DLG2: variants seen among roughly 807,000 people sequenced by gnomAD.
DLG2 encodes disks large homolog 2.
In DLG2, 45 loss-of-function variants were observed where a neutral mutation model predicts 132.5. That is an observed-to-expected ratio of 0.34 (90% CI 0.27 to 0.44). The LOEUF (loss-of-function observed/expected upper bound fraction) is 0.44. Among genes scored for constraint, DLG2 ranks in the 20% least tolerant of loss-of-function variants. The pLI is 1.00. For missense variants in DLG2, 1,045 were observed against 1,196.9 expected (o/e 0.87, Z 1.87); for synonymous variants, 424 against 419.6 (o/e 1.01, Z -0.13).
intron 11 of DLG2, among the ~76,000 whole-genome samples, chr11:83,985,337 T>C (rs1027427303): frequency 6.6e-6 from 1 of 152,090 alleles, no homozygotes; most frequent in Non-Finnish European, 1.5e-5. Context: ...TTTCTTTTTT[T>C]ATTTTTATTT....
intron 6 of DLG2, among the ~76,000 whole-genome samples, chr11:85,089,895 G>T (rs925018144): frequency 1.3e-5 from 2 of 152,102 alleles, no homozygotes; most frequent in Admixed American, 6.6e-5. Context: ...CACCAGTCAG[G>T]ATGGCTATTA....
chr11:83,514,132 T>G (rs1389421024), intron 21 of DLG2, among the ~76,000 whole-genome samples: 3 of 152,228 alleles, frequency 2.0e-5, no homozygotes, highest in Non-Finnish European at 4.4e-5. Context: ...TATGGCCATT[T>G]TCATGATATT....
chr11:84,512,905 C>T (rs186940584), intron 7 of DLG2, among the ~76,000 whole-genome samples: 65 of 152,052 alleles, frequency 4.3e-4, no homozygotes, highest in Middle Eastern at 3.4e-3. Context: ...CCAAACACCT[C>T]ATGTTCCTAC....
chr11:84,647,042 C>A (rs2099675826), intron 6 of DLG2, among the ~76,000 whole-genome samples: 1 of 151,792 alleles, frequency 6.6e-6, no homozygotes, highest in Non-Finnish European at 1.5e-5. Context: ...TTTATAAATG[C>A]TAGAAGCATT....
chr11:85,429,810 G>A (rs2091040108), intron 3 of DLG2, among the ~76,000 whole-genome samples: 1 of 152,154 alleles, frequency 6.6e-6, no homozygotes, highest in African/African-American at 2.4e-5. Flanking sequence ...CGATTCCTCA[G>A]GGATCTAGAA....
chr11:85,545,458 T>C (rs1183027767), intron 3 of DLG2, among the ~76,000 whole-genome samples: 3 of 152,146 alleles, frequency 2.0e-5, no homozygotes, highest in Admixed American at 2.0e-4. Flanking sequence ...TCTTTTTTTG[T>C]TGTGTCTCTG....
At chr11:85,174,477 G>A (rs1322423793) in intron 4 of DLG2, among the ~76,000 whole-genome samples, 8 of 152,024 alleles carry the variant, frequency 5.3e-5, no homozygotes, top group Admixed American at 5.2e-4. Flanking sequence ...GTGTTAAAAG[G>A]GAAATTTACA....
At chr11:83,786,292 A>G (rs2039920327) in intron 18 of DLG2, 1 of 167,608 alleles carries the variant, frequency 6.0e-6, no homozygotes, top group East Asian at 1.5e-4. Context: ...ATGAGAATTA[A>G]GTTAATGCCA....
intron 5 of DLG2, among the ~76,000 whole-genome samples, chr11:85,119,841 A>G (rs1262489853): frequency 6.6e-6 from 1 of 152,084 alleles, no homozygotes; most frequent in Non-Finnish European, 1.5e-5. Flanking sequence ...CAAAGAAAAA[A>G]CAAAGTAAAG....
chr11:84,788,100 C>CA (rs139086655), intron 6 of DLG2, among the ~76,000 whole-genome samples: 3,490 of 45,698 alleles, frequency 0.076, 601 homozygotes, highest in African/African-American at 0.17. Flanking sequence ...GAATATGTCT[C>CA]AAAAAAAAAA....
chr11:85,313,938 G>A (rs1555047739), intron 3 of DLG2, among the ~76,000 whole-genome samples: 1 of 151,806 alleles, frequency 6.6e-6, no homozygotes, highest in Non-Finnish European at 1.5e-5. Flanking sequence ...TAGAATTCCT[G>A]AAAAATTTAC....
At chr11:84,065,521 A>T (rs1218589988) in intron 10 of DLG2, among the ~76,000 whole-genome samples, 3 of 152,204 alleles carry the variant, frequency 2.0e-5, no homozygotes, top group African/African-American at 7.2e-5. Context: ...ATGGGGTAAC[A>T]TCTCACACCA....
chr11:83,863,697 C>A (rs1215996568), intron 16 of DLG2, among the ~76,000 whole-genome samples: 1 of 152,020 alleles, frequency 6.6e-6, no homozygotes, highest in Non-Finnish European at 1.5e-5. Context: ...ATATTAATCT[C>A]CACTTTTAGA....
At chr11:84,714,599 T>TC (rs1565749771) in intron 6 of DLG2, among the ~76,000 whole-genome samples, 9 of 83,596 alleles carry the variant, frequency 1.1e-4, no homozygotes, top group African/African-American at 5.1e-4. Context: ...TTCTCTTTCT[T>TC]TCTCTTTCTC....
intron 9 of DLG2, among the ~76,000 whole-genome samples, chr11:84,102,015 T>A (rs908409102): frequency 6.6e-6 from 1 of 152,102 alleles, no homozygotes; most frequent in Non-Finnish European, 1.5e-5. Context: ...TCACTATAAT[T>A]CATCTATTGG....
At chr11:83,932,383 T>C (rs540657030) in intron 14 of DLG2, among the ~76,000 whole-genome samples, 22 of 151,352 alleles carry the variant, frequency 1.5e-4, no homozygotes, top group African/African-American at 2.2e-4. Flanking sequence ...TACAGGCGCC[T>C]GCCACCACGC....
chr11:84,641,985 GTA>G (rs1172367441), intron 6 of DLG2, among the ~76,000 whole-genome samples: 75 of 142,250 alleles, frequency 5.3e-4, no homozygotes, highest in African/African-American at 2.0e-3. Flanking sequence ...ATGCATGTGT[GTA>G]TGTGTGTGTG....
chr11:85,600,642 T>C (rs548576862), intron 2 of DLG2, among the ~76,000 whole-genome samples: 27 of 152,358 alleles, frequency 1.8e-4, no homozygotes, highest in African/African-American at 6.5e-4. Context: ...GGGTTATAAC[T>C]GATGAATGAG....
chr11:84,213,591 G>A (rs576771213), intron 8 of DLG2, among the ~76,000 whole-genome samples: 30 of 152,128 alleles, frequency 2.0e-4, no homozygotes, highest in African/African-American at 6.5e-4. Context: ...AGGCCGAGGC[G>A]GGTGGATCAC....
Sources: gnomAD v4.1 joint callset for allele counts (sites outside exome capture counted in the v4.1 genomes callset) on GRCh38, gnomAD v4.1.1 for gene constraint, MANE v1.5 for transcripts, NCBI Gene and HGNC (gene_info 2026-07-23, HGNC 2026-07-21) for gene names.